Variants in ZNF185 observed in about 807,000 individuals in gnomAD.
ZNF185 encodes zinc finger protein 185 with LIM domain.
Under a neutral mutation model 58.6 loss-of-function variants are expected in ZNF185, and 56 were observed. The ratio of observed to expected loss-of-function variants is 0.95; its 90% CI spans 0.77 to 1.19. ZNF185 has a LOEUF of 1.19. Among genes scored for constraint, ZNF185 ranks in the 50% most tolerant of loss-of-function variants. The probability of loss-of-function intolerance (pLI) is 0.00; values close to 1 mark genes in which losing one functional copy is unlikely to be tolerated. For missense variants in ZNF185, 627 were observed against 573.5 expected (o/e 1.09, Z -0.95); for synonymous variants, 230 against 215.9 (o/e 1.07, Z -0.57).
chrX:152,941,816 T>C, intron 15 of ZNF185: 2 of 1,158,378 alleles, frequency 1.7e-6, no homozygotes, highest in Non-Finnish European at 2.3e-6. Flanking sequence ...AGGAGCTGGC[T>C]GCCCCTTCCC....
intron 14 of ZNF185, among the ~76,000 whole-genome samples, chrX:152,937,610 A>C (rs1320370004): frequency 1.8e-5 from 2 of 112,045 alleles, no homozygotes; most frequent in Non-Finnish European, 3.8e-5. Context: ...CCCCATACAC[A>C]GCGTCAACAG....
At chrX:152,939,822 G>A (rs782471927) in intron 15 of ZNF185, among the ~76,000 whole-genome samples, 25 of 75,739 alleles carry the variant, frequency 3.3e-4, no homozygotes, top group Middle Eastern at 0.013. Context: ...TTGCTTTGTC[G>A]CCCCAGCTGG....
chrX:152,938,774 C>G (rs1356051317), intron 15 of ZNF185, among the ~76,000 whole-genome samples: 2 of 110,016 alleles, frequency 1.8e-5, no homozygotes, highest in African/African-American at 6.7e-5. Flanking sequence ...ACCCAAAAGC[C>G]TGGAGCCTAG....
At chrX:152,914,447 G>A (rs376537755) in exon 1 of ZNF185, 4 of 1,125,910 alleles carry the variant, frequency 3.6e-6, no homozygotes, top group Non-Finnish European at 4.8e-6. Context: ...ATCCCCAGAA[G>A]CCCTGCTGAA....
At chrX:152,969,549 G>C in intron 21 of ZNF185, 65 bp downstream of exon 23, 1 of 871,748 alleles carries the variant, frequency 1.1e-6, no homozygotes, top group Non-Finnish European at 1.7e-6. Context: ...TGCTAAGAAC[G>C]TTTTGTAGAG....
chrX:152,902,211 T>C, the ZNF185 span, among the ~76,000 whole-genome samples: 1 of 112,882 alleles, frequency 8.9e-6, no homozygotes, highest in East Asian at 2.8e-4. Context: ...ACATAGCCTC[T>C]GGGGCCAGTG....
At chrX:152,945,202 T>C in intron 15 of ZNF185, 65 bp from the exon 18 acceptor site, 1 of 1,118,216 alleles carries the variant, frequency 8.9e-7, no homozygotes, top group Non-Finnish European at 1.2e-6. Context: ...CCAGCTTGCG[T>C]CCTGGGGCTG....
At chrX:152,928,246 T>G (rs1286002740) in intron 11 of ZNF185, among the ~76,000 whole-genome samples, 1 of 112,421 alleles carries the variant, frequency 8.9e-6, no homozygotes, top group Non-Finnish European at 1.9e-5. Context: ...AAATGGCCAC[T>G]TTGGATACCC....
intron 16 of ZNF185, among the ~76,000 whole-genome samples, chrX:152,956,948 TG>T (rs1457380990): frequency 8.9e-6 from 1 of 112,487 alleles, no homozygotes; most frequent in Non-Finnish European, 1.9e-5. Flanking sequence ...CAATTTTTGT[TG>T]AAGAGCAGAT....
In ZNF185 at chrX:152,919,031, G is replaced by A. The variant is rs911943790; in HGVS notation, c.480G>A (p.Glu160=). Residue 160 remains glutamate (E), a synonymous_variant, in exon 7 of 23, where the codon GAG becomes GAA. Coordinates refer to ENST00000449285, the Ensembl canonical transcript of ZNF185. Reference sequence around the variant, plus strand: ...GCTCTACATCAGGGGACACCGAGGAGGAGGAGGAGGAGGAGGTGGTGCCAT... The same window carrying A: ...GCTCTACATCAGGGGACACCGAGGAAGAGGAGGAGGAGGAGGTGGTGCCAT... The A allele has an allele frequency of 5.0e-6, 6 of 1,200,741 alleles. No individual in the cohort carries two copies. In the Admixed American group the frequency reaches 1.1e-4, roughly 22 times the overall value.
At chrX:152,933,641 T>C (rs1556879430) in intron 14 of ZNF185, among the ~76,000 whole-genome samples, 2 of 112,451 alleles carry the variant, frequency 1.8e-5, no homozygotes, top group East Asian at 5.5e-4. Flanking sequence ...GGTATGCAGA[T>C]GTTGGCATAA....
rs1326330192 is a variant in ZNF185, at chrX:152,955,657, A to C, written c.1410-4042A>C. Among the ~76,000 whole-genome samples the C allele has an allele frequency of 2.7e-5, 3 of 112,030 alleles. No homozygotes were observed. The Admixed American group carries it at 2.8e-4, about 11-fold the overall frequency. ...GGTGGCTCATGCCTGTAATCCCAGC[A>C]CTTAGGGAGGCTGAGGCGGGCAGAT... On this transcript the variant is annotated intron_variant, in intron 16 of 22. Coordinates refer to ENST00000449285, the Ensembl canonical transcript of ZNF185.
intron 18 of ZNF185, among the ~76,000 whole-genome samples, chrX:152,965,103 G>A (rs2125962934): frequency 8.9e-6 from 1 of 112,083 alleles, no homozygotes; most frequent in African/African-American, 3.2e-5. Flanking sequence ...CAGCCCTAAA[G>A]TAGGGGTGGA....
At chrX:152,908,357 G>A in the ZNF185 span, among the ~76,000 whole-genome samples, 216 of 112,955 alleles carry the variant, frequency 1.9e-3, 2 homozygotes, top group Non-Finnish European at 1.9e-3. Context: ...CCATCTTCTT[G>A]GCAGGGTAAA....
upstream of ZNF185, among the ~76,000 whole-genome samples, chrX:152,910,359 T>G (rs1333454205): frequency 1.8e-5 from 2 of 112,375 alleles, no homozygotes; most frequent in African/African-American, 6.5e-5. Context: ...AGCAAAATAT[T>G]TTGGTGTATA....
chrX:152,936,280 A>G lies in ZNF185; in HGVS notation c.1122-1794A>G, dbSNP rs1384261601. 8 of 495,201 alleles carry G rather than the reference A, an allele frequency of 1.6e-5. No homozygotes were observed. In the African/African-American group the frequency reaches 1.7e-4, roughly 10 times the overall value. 40.8% of individuals were successfully genotyped at this position (495,201 alleles called of 1,213,427 possible). On this transcript the variant is annotated intron_variant, in intron 14 of 22. Transcript: ENST00000449285. ...GGTGTCAGGCTGCCTTGAGATATAA[A>G]TATTGTTCCTCAAGCATCCATTTGA...
chrX:152,904,357 G>A, the ZNF185 span, among the ~76,000 whole-genome samples: 1 of 112,560 alleles, frequency 8.9e-6, no homozygotes, highest in East Asian at 2.8e-4. Context: ...TGGAACAGCA[G>A]CTACAGCCGC....
the ZNF185 span, among the ~76,000 whole-genome samples, chrX:152,901,238 CTT>C: frequency 1.1e-3 from 104 of 96,402 alleles, no homozygotes; most frequent in African/African-American, 1.1e-3. Flanking sequence ...TTTGTTTTCA[CTT>C]TTTTTTTTTT....
chrX:152,917,296 C>G (rs1303249181), exon 5 of ZNF185: 1 of 1,210,244 alleles, frequency 8.3e-7, no homozygotes, highest in African/African-American at 1.7e-5. Flanking sequence ...GGAGTGTTCA[C>G]CAAGCCCATA....
Sources: gnomAD v4.1 joint callset for allele counts (sites outside exome capture counted in the v4.1 genomes callset) on GRCh38, gnomAD v4.1.1 for gene constraint, MANE v1.5 for transcripts, NCBI Gene and HGNC (gene_info 2026-07-23, HGNC 2026-07-21) for gene names.